RASGRF1: variants seen among roughly 807,000 people sequenced by gnomAD.
The protein encoded by RASGRF1 is ras-specific guanine nucleotide-releasing factor 1.
In RASGRF1, 40 loss-of-function variants were observed where a neutral mutation model predicts 138.7. The ratio of observed to expected loss-of-function variants is 0.29; its 90% CI spans 0.22 to 0.38. The LOEUF is 0.38. Among genes scored for constraint, RASGRF1 ranks in the 10% least tolerant of loss-of-function variants. The probability of loss-of-function intolerance (pLI) is 1.00; values close to 1 mark genes in which losing one functional copy is unlikely to be tolerated. For synonymous variants in RASGRF1, 614 were observed against 663.2 expected (o/e 0.93, Z 1.14); for missense variants, 1,108 against 1,650.4 (o/e 0.67, Z 5.69).
intron 23 of RASGRF1, among the ~76,000 whole-genome samples, chr15:78,983,841 C>T (rs958406146): frequency 5.9e-5 from 9 of 152,254 alleles, no homozygotes; most frequent in African/African-American, 1.4e-4. Flanking sequence ...GCATCTTTCA[C>T]GGTCCTTGGC....
chr15:79,076,697 G>A (rs2057838056), intron 1 of RASGRF1, among the ~76,000 whole-genome samples: 1 of 152,212 alleles, frequency 6.6e-6, no homozygotes, highest in South Asian at 2.1e-4. Context: ...TCAGGCCATG[G>A]AGACCCAGAC....
chr15:78,983,495 G>A (rs190926462), intron 23 of RASGRF1, among the ~76,000 whole-genome samples: 2 of 152,332 alleles, frequency 1.3e-5, no homozygotes, highest in Admixed American at 1.3e-4. Flanking sequence ...GCAAGACCAA[G>A]AAATGCAAGG....
intron 13 of RASGRF1, among the ~76,000 whole-genome samples, chr15:79,014,357 T>C (rs920564514): frequency 3.9e-5 from 6 of 152,190 alleles, no homozygotes; most frequent in African/African-American, 1.2e-4. Context: ...CATCAATCAA[T>C]GAGTGGATAA....
chr15:78,987,031 G>A (rs2056173415), intron 22 of RASGRF1, among the ~76,000 whole-genome samples: 1 of 152,104 alleles, frequency 6.6e-6, no homozygotes, highest in Non-Finnish European at 1.5e-5. Context: ...AGGATAAAAG[G>A]AATATCTTCC....
Position 79,001,809 on chromosome 15 carries a change from ATT to A in RASGRF1, c.2450-24_2450-23del, listed in dbSNP as rs762688605. 4 of 1,384,604 alleles carry A rather than the reference ATT, an allele frequency of 2.9e-6. No individual in the cohort carries two copies. The African/African-American group carries it at 6.0e-5, about 21-fold the overall frequency. The allele number at this position is 1,384,604 out of a possible 1,614,324, so 85.8% of individuals were successfully genotyped here. A position where few individuals can be genotyped will look rare whatever the true frequency, so the allele number is the denominator to read the frequency against. On this transcript the variant is annotated intron_variant, in intron 15 of 26. Coordinates refer to ENST00000558480, the MANE Select transcript of RASGRF1 (RefSeq NM_001145648.3). ...GAGCCTGGGAGAAAAGAAATAAATA[ATT>A]TTACTTTTCTTAATTTTAATTTTAA...
At chr15:79,057,113 G>A (rs1251437032) in intron 3 of RASGRF1, among the ~76,000 whole-genome samples, 2 of 152,226 alleles carry the variant, frequency 1.3e-5, no homozygotes. Flanking sequence ...CAGCTGAGGA[G>A]ACTCACAGTC....
rs760157348 is a variant in RASGRF1 at position 79,058,353 on chromosome 15, A to G, written c.512T>C (p.Ile171Thr). 3 of 1,613,716 alleles carry G rather than the reference A, an allele frequency of 1.9e-6. No homozygotes were observed. In the South Asian group the frequency reaches 3.3e-5, roughly 18 times the overall value. ...RQQIEDGEIE[I>T]ERLKAEITSL... ...AGTCACCTCTGCCTTCAGCCGCTCGATCTCGATCTCCCCATCCTCGATCTG... is the reference window on the plus strand; with the variant it reads ...AGTCACCTCTGCCTTCAGCCGCTCGGTCTCGATCTCCCCATCCTCGATCTG... Residue 171 changes from isoleucine (I) to threonine (T), a missense_variant, in exon 3 of 27, where the codon ATC becomes ACC. Coordinates refer to ENST00000558480, the MANE Select transcript of RASGRF1 (RefSeq NM_001145648.3).
chr15:78,981,140 G>T (rs957779573), intron 23 of RASGRF1: 3 of 153,204 alleles, frequency 2.0e-5, no homozygotes, highest in African/African-American at 7.2e-5. Flanking sequence ...CACCAGAAAT[G>T]CCACCCAAAT....
intron 10 of RASGRF1, 78 bp from the exon 11 acceptor site, chr15:79,020,182 G>C: frequency 7.2e-7 from 1 of 1,387,278 alleles, no homozygotes; most frequent in East Asian, 2.3e-5. Flanking sequence ...GATAGGGTTG[G>C]AGGGGACTTT....
Position 78,998,767 on chromosome 15 carries a change from G to T in RASGRF1, c.2805C>A (p.Thr935=). ...GGCGGAGCACGTTCAAGACACGATT[G>T]GTGGCTGCTCTGCGGATCACAAACT... ...DKEFVIRRAA[T]NRVLNVLRHW... is the part of the protein sequence containing the mutation. Residue 935 remains threonine (T), a synonymous_variant, in exon 18 of 27, where the codon ACC becomes ACA. Transcript: ENST00000558480. 1 of 1,614,170 alleles carries T rather than the reference G, an allele frequency of 6.2e-7. No homozygotes were observed. The highest frequency in any genetic ancestry group is 2.2e-5 in the East Asian group (1 of 44,880).
Position 78,995,789 on chromosome 15 carries a change from T to C in RASGRF1, c.2978A>G (p.Gln993Arg). 10 of 1,614,166 alleles carry C rather than the reference T, an allele frequency of 6.2e-6. No homozygotes were observed. Among genetic ancestry groups the C allele is most frequent in the Non-Finnish European group, 8.5e-6 (10 of 1,180,020 alleles). The change falls in exon 20 of 27, where the codon CAG (glutamine) becomes CGG (arginine). Residue 993 changes from glutamine (Q) to arginine (R), a missense_variant. Transcript: ENST00000558480. ...AAANIIRTLTQEDPGDNQITL... is the reference protein window; with the variant it reads ...AAANIIRTLTREDPGDNQITL... ...GATCTGGTTGTCACCTGGGTCCTCC[T>C]GGGTCAGAGTCCTAGGCAGGAGCGA... is the stretch of plus-strand genomic sequence containing the variant.
At chr15:78,968,982 T>A (rs2055698361) in intron 26 of RASGRF1, among the ~76,000 whole-genome samples, 1 of 152,178 alleles carries the variant, frequency 6.6e-6, no homozygotes, top group African/African-American at 2.4e-5. Flanking sequence ...TAATTTTCCA[T>A]CCACTGACCC....
In RASGRF1 at chr15:79,015,384, C is replaced by T. The variant is rs1196426362; in HGVS notation, c.1769G>A (p.Gly590Glu). The change falls in exon 13 of 27, where the codon GGG (glycine) becomes GAG (glutamate). Residue 590 changes from glycine (G) to glutamate (E), a missense_variant. Gly to Glu is a moderately conservative substitution (Grantham distance 98). Coordinates refer to ENST00000558480, the MANE Select transcript of RASGRF1 (RefSeq NM_001145648.3). The stretch of plus-strand genomic sequence containing the variant: ...TTCTTCAAATGCGTTCATCATGAGC[C>T]CATTGCATCGGATGTTATCCACACA... ...SQCVDNIRCN[G>E]LMMNAFEENS... 6.2e-7 allele frequency: 1 copy of T among 1,613,962 alleles called. No individual in the cohort carries two copies. Among genetic ancestry groups the T allele is most frequent in the Admixed American group, 1.7e-5 (1 of 60,026 alleles).
chr15:79,069,157 C>T (rs1257323759), intron 1 of RASGRF1, among the ~76,000 whole-genome samples: 1 of 152,276 alleles, frequency 6.6e-6, no homozygotes, highest in African/African-American at 2.4e-5. Flanking sequence ...ACTCTAGAAC[C>T]CTGCACAGAG....
At chr15:79,016,773 G>A (rs556293602) in intron 12 of RASGRF1, among the ~76,000 whole-genome samples, 4 of 152,318 alleles carry the variant, frequency 2.6e-5, no homozygotes, top group East Asian at 1.9e-4. Context: ...GGCTGGGAGC[G>A]GCAGTCAGGG....
At chr15:79,056,921 A>T (rs1364487494) in intron 3 of RASGRF1, among the ~76,000 whole-genome samples, 1 of 152,046 alleles carries the variant, frequency 6.6e-6, no homozygotes, top group East Asian at 1.9e-4. Context: ...GTGTTTAGTG[A>T]GTGGAATTTG....
In RASGRF1 at chr15:79,032,372, C is replaced by A; in HGVS notation, c.959-56G>T. 2 of 1,550,320 alleles carry A rather than the reference C, an allele frequency of 1.3e-6. No homozygotes were observed. The highest frequency in any genetic ancestry group is 2.3e-5 in the East Asian group (1 of 44,318). ...AGGGCAGCTTGGTGGGGACAGAATC[C>A]CCTAGGCCCTTGGCTCCCCCAGCTA... is the stretch of plus-strand genomic sequence containing the variant. On this transcript the variant is annotated intron_variant, in intron 6 of 26. Coordinates refer to ENST00000558480, the MANE Select transcript of RASGRF1 (RefSeq NM_001145648.3). The surrounding 1 kb of genome is among the most constrained non-coding windows in gnomAD (Gnocchi z 4.5).
rs772047073 is a variant in RASGRF1, at chr15:79,046,494, C to T, written c.878+252G>A. ...TCCAAACATTCCTAAGTGTTCCCCA[C>T]GGAGCAAAACTGCCCCAGTTGAGGC... On this transcript the variant is annotated intron_variant, in intron 5 of 26. Coordinates refer to ENST00000558480, the MANE Select transcript of RASGRF1 (RefSeq NM_001145648.3). The surrounding 1 kb of genome is among the most constrained non-coding windows in gnomAD (Gnocchi z 5.3). Among the ~76,000 whole-genome samples the T allele has an allele frequency of 4.6e-5, 7 of 152,214 alleles. No homozygotes were observed. Among genetic ancestry groups the T allele is most frequent in the South Asian group, 2.1e-4 (1 of 4,830 alleles).
rs576890787 is a variant in RASGRF1 at position 79,078,773 on chromosome 15, G to C, written c.276+11450C>G. 7.2e-4 allele frequency among the ~76,000 whole-genome samples: 109 copies of C among 152,332 alleles called. 3 individuals carry two copies. In the South Asian group the frequency reaches 0.019, roughly 26 times the overall value. ...CCGTGGTGGCCGCACCAGAACCTCTGCTTTGTCCCTGTTCTCAGTGCCTGT... is the reference window on the plus strand; with the variant it reads ...CCGTGGTGGCCGCACCAGAACCTCTCCTTTGTCCCTGTTCTCAGTGCCTGT... On this transcript the variant is annotated intron_variant, in intron 1 of 26. Transcript: ENST00000558480.
Sources: allele counts gnomAD v4.1 joint callset (sites outside exome capture counted in the v4.1 genomes callset), GRCh38; gene constraint gnomAD v4.1.1; non-coding constraint Gnocchi (gnomAD v3.1); transcripts MANE v1.5; gene names NCBI Gene and HGNC (gene_info 2026-07-23, HGNC 2026-07-21).